The following GRM7 variants were observed in gnomAD, a reference collection of about 807,000 sequenced individuals.
The protein encoded by GRM7 is glutamate metabotropic receptor 7, also known as metabotropic glutamate receptor 7.
In GRM7, 35 loss-of-function variants were observed where a neutral mutation model predicts 84.5. The ratio of observed to expected loss-of-function variants is 0.41; its 90% CI spans 0.32 to 0.55. The LOEUF (loss-of-function observed/expected upper bound fraction) is 0.55, where lower values mean the gene tolerates loss of function less well. GRM7 is among the 20% of genes least tolerant of loss of function. The probability of loss-of-function intolerance (pLI) is 0.19; values close to 1 mark genes in which losing one functional copy is unlikely to be tolerated. For missense variants in GRM7, 1,003 were observed against 1,194.6 expected, an observed-to-expected ratio of 0.84 and a Z score of 2.36; for synonymous variants, 487 against 455.1, an observed-to-expected ratio of 1.07 and a Z score of -0.89.
At chr3:7,464,827 CAAAA>C (rs71307749) in intron 7 of GRM7, among the ~76,000 whole-genome samples, 2 of 85,788 alleles carry the variant, frequency 2.3e-5, no homozygotes, top group Non-Finnish European at 4.9e-5. Context: ...GACTCTGTCT[CAAAA>C]AAAAAAAAAA....
intron 8 of GRM7, among the ~76,000 whole-genome samples, chr3:7,649,271 G>A (rs59094353): frequency 0.015 from 2,228 of 151,978 alleles, 61 homozygotes; most frequent in African/African-American, 0.052. Flanking sequence ...GGGTTTCACC[G>A]TGTTAGCCAG....
At chr3:6,902,266 G>A (rs1380889688) in intron 1 of GRM7, among the ~76,000 whole-genome samples, 2 of 152,094 alleles carry the variant, frequency 1.3e-5, no homozygotes, top group Non-Finnish European at 2.9e-5. Flanking sequence ...AAAAGCATTA[G>A]CTTTTTGCAC....
intron 1 of GRM7, among the ~76,000 whole-genome samples, chr3:7,125,776 A>G (rs1055743184): frequency 6.6e-6 from 1 of 152,170 alleles, no homozygotes; most frequent in African/African-American, 2.4e-5. Context: ...AAAAATATTT[A>G]CAGTGAGAGG....
intron 1 of GRM7, among the ~76,000 whole-genome samples, chr3:7,075,665 A>T (rs1044824761): frequency 6.6e-6 from 1 of 152,100 alleles, no homozygotes; most frequent in Admixed American, 6.6e-5. Context: ...AGCTGGGATT[A>T]CAGGTGCCCG....
chr3:7,593,239 C>A (rs1222626343), intron 8 of GRM7, among the ~76,000 whole-genome samples: 3 of 151,956 alleles, frequency 2.0e-5, no homozygotes, highest in Admixed American at 2.0e-4. Context: ...AAAGAGTGGC[C>A]CCATATTCAT....
intron 1 of GRM7, among the ~76,000 whole-genome samples, chr3:7,063,382 C>A (rs1697501135): frequency 6.6e-6 from 1 of 151,668 alleles, no homozygotes; most frequent in South Asian, 2.1e-4. Flanking sequence ...AGTTATTGGA[C>A]CATGAAGACT....
rs752485323 is a variant in GRM7, at chr3:6,861,508, G to A, written c.120G>A (p.Pro40=). The A allele has an allele frequency of 1.3e-6, 2 of 1,577,888 alleles. No homozygotes were observed. Among genetic ancestry groups the A allele is most frequent in the Non-Finnish European group, 1.7e-6 (2 of 1,163,696 alleles). The change falls in exon 1 of 10, where the codon CCG becomes CCA. Residue 40 remains proline (P), a synonymous_variant. Coordinates refer to ENST00000357716, the MANE Select transcript of GRM7 (RefSeq NM_000844.4). This position sits in a 1 kb window ranked among gnomAD's most constrained non-coding sequence, Gnocchi z 6.4. ...AAARGQEMYA[P]HSIRIEGDVT... ...CGCGCGGCCAGGAGATGTACGCCCC[G>A]CACTCAATCCGGATCGAGGGGGACG...
chr3:7,680,012 T>C, intron 8 of GRM7, 37 bp from the exon 9 acceptor site: 1 of 1,608,300 alleles, frequency 6.2e-7, no homozygotes, highest in Non-Finnish European at 8.5e-7. Flanking sequence ...TGCAGTCATT[T>C]TATTTGTAAT....
chr3:7,610,816 A>G (rs957111711), intron 8 of GRM7, among the ~76,000 whole-genome samples: 2 of 152,218 alleles, frequency 1.3e-5, no homozygotes, highest in African/African-American at 2.4e-5. Context: ...TCCCGTAGTC[A>G]TCACACTATG....
At chr3:7,541,206 A>C (rs1160653909) in intron 7 of GRM7, among the ~76,000 whole-genome samples, 1 of 152,128 alleles carries the variant, frequency 6.6e-6, no homozygotes, top group Non-Finnish European at 1.5e-5. Flanking sequence ...GTAATATGGC[A>C]TTAGGTGAAA....
intron 7 of GRM7, among the ~76,000 whole-genome samples, chr3:7,558,003 G>C (rs563010492): frequency 6.7e-6 from 1 of 148,558 alleles, no homozygotes; most frequent in Non-Finnish European, 1.5e-5. Flanking sequence ...ATTAACATAA[G>C]CAATGCAATT....
At chr3:7,198,991 T>A (rs1159803935) in intron 2 of GRM7, among the ~76,000 whole-genome samples, 1 of 152,166 alleles carries the variant, frequency 6.6e-6, no homozygotes, top group Non-Finnish European at 1.5e-5. Context: ...TATGGCCATT[T>A]CTGTTATTAA....
chr3:7,154,302 A>G (rs1694378528), intron 2 of GRM7, among the ~76,000 whole-genome samples: 4 of 152,152 alleles, frequency 2.6e-5, no homozygotes, highest in Admixed American at 2.6e-4. Flanking sequence ...GGTCAGACAA[A>G]TCTCAGATGT....
chr3:6,935,014 T>C (rs1697638331), intron 1 of GRM7, among the ~76,000 whole-genome samples: 1 of 152,232 alleles, frequency 6.6e-6, no homozygotes, highest in Non-Finnish European at 1.5e-5. Context: ...TGTTCCCTTT[T>C]GGTTCATTGA....
At chr3:7,414,285 G>A (rs758193190) in intron 4 of GRM7, among the ~76,000 whole-genome samples, 8 of 152,096 alleles carry the variant, frequency 5.3e-5, no homozygotes, top group Non-Finnish European at 7.4e-5. Flanking sequence ...GATACTGTGG[G>A]GGAAGGAGAT....
chr3:6,910,263 T>C (rs1210084626), intron 1 of GRM7, among the ~76,000 whole-genome samples: 1 of 152,132 alleles, frequency 6.6e-6, no homozygotes, highest in Non-Finnish European at 1.5e-5. Flanking sequence ...ATTAGGGTAT[T>C]CAATGCTAGA....
intron 8 of GRM7, among the ~76,000 whole-genome samples, chr3:7,614,766 A>G (rs368742958): frequency 6.6e-6 from 1 of 152,096 alleles, no homozygotes; most frequent in Non-Finnish European, 1.5e-5. Flanking sequence ...ACTTTCATCA[A>G]TTTTCTGATA....
chr3:7,210,428 A>C (rs1411689871), intron 2 of GRM7, among the ~76,000 whole-genome samples: 1 of 152,216 alleles, frequency 6.6e-6, no homozygotes, highest in Admixed American at 6.5e-5. Context: ...GAAAACACTT[A>C]ATATTAGTTC....
chr3:7,397,234 A>C (rs1375968455), intron 4 of GRM7, among the ~76,000 whole-genome samples: 1 of 152,220 alleles, frequency 6.6e-6, no homozygotes, highest in Non-Finnish European at 1.5e-5. Flanking sequence ...GTGACTCGTC[A>C]TCCAGACATC....
Sources: gnomAD v4.1 joint callset for allele counts (sites outside exome capture counted in the v4.1 genomes callset) on GRCh38, gnomAD v4.1.1 for gene constraint, Gnocchi (gnomAD v3.1) non-coding constraint, MANE v1.5 for transcripts, NCBI Gene and HGNC (gene_info 2026-07-23, HGNC 2026-07-21) for gene names.